Variants in DOCK4 observed in about 807,000 individuals in gnomAD.
DOCK4 encodes the protein dedicator of cytokinesis protein 4.
DOCK4 carries 97 observed loss-of-function variants against 268.1 expected under a neutral mutation model. That is an observed-to-expected ratio of 0.36 (90% CI 0.31 to 0.43). The LOEUF is 0.43. Among genes scored for constraint, DOCK4 ranks in the 20% least tolerant of loss-of-function variants. The pLI is 1.00. For synonymous variants in DOCK4, 954 were observed against 887.2 expected, an observed-to-expected ratio of 1.08 and a Z score of -1.34; for missense variants, 2,145 against 2,455.7, an observed-to-expected ratio of 0.87 and a Z score of 2.67.
intron 8 of DOCK4, among the ~76,000 whole-genome samples, chr7:111,975,487 A>C (rs2135108025): frequency 6.6e-6 from 1 of 152,344 alleles, no homozygotes; most frequent in South Asian, 2.1e-4. Context: ...ACATTTCTAA[A>C]GTCTAACTTG....
intron 20 of DOCK4, among the ~76,000 whole-genome samples, chr7:111,870,510 C>A (rs1382461510): frequency 1.3e-5 from 2 of 151,780 alleles, no homozygotes; most frequent in African/African-American, 4.8e-5. Flanking sequence ...TTAGTAGAGG[C>A]CCGGTTTCAC....
intron 1 of DOCK4, among the ~76,000 whole-genome samples, chr7:112,102,723 A>T (rs1171562879): frequency 2.0e-5 from 3 of 152,202 alleles, no homozygotes; most frequent in African/African-American, 7.2e-5. Flanking sequence ...CTCAGCCTCC[A>T]GAACAGTGAG....
intron 1 of DOCK4, among the ~76,000 whole-genome samples, chr7:112,198,874 T>C (rs995862115): frequency 1.3e-5 from 2 of 152,206 alleles, no homozygotes; most frequent in African/African-American, 4.8e-5. Context: ...ATGAAAATAT[T>C]TCATTTCATG....
At chr7:112,166,295 T>C (rs542567318) in intron 1 of DOCK4, among the ~76,000 whole-genome samples, 102 of 152,280 alleles carry the variant, frequency 6.7e-4, no homozygotes, top group Middle Eastern at 3.4e-3. Flanking sequence ...TCTTGGGGTA[T>C]GACTGACAAA....
intron 1 of DOCK4, among the ~76,000 whole-genome samples, chr7:112,160,903 T>C (rs1817056340): frequency 6.6e-6 from 1 of 152,174 alleles, no homozygotes; most frequent in Non-Finnish European, 1.5e-5. Context: ...GACTCTGAGC[T>C]CTATTAAGCA....
chr7:112,037,713 A>G (rs1375329483), intron 1 of DOCK4, among the ~76,000 whole-genome samples: 1 of 152,192 alleles, frequency 6.6e-6, no homozygotes, highest in Non-Finnish European at 1.5e-5. Flanking sequence ...ACAAATCTGA[A>G]CACTCTTGCA....
intron 8 of DOCK4, among the ~76,000 whole-genome samples, chr7:111,960,919 C>T (rs925978963): frequency 3.9e-5 from 6 of 152,108 alleles, no homozygotes; most frequent in African/African-American, 1.4e-4. Flanking sequence ...TTTCTTTATC[C>T]ATTCATCTGT....
chr7:112,043,248 A>C (rs1804549482), intron 1 of DOCK4, among the ~76,000 whole-genome samples: 1 of 151,886 alleles, frequency 6.6e-6, no homozygotes, highest in Admixed American at 6.6e-5. Context: ...AAAAAAAAAA[A>C]ACTTAATCAA....
chr7:111,922,083 A>G (rs909944301), intron 12 of DOCK4, among the ~76,000 whole-genome samples: 1 of 152,224 alleles, frequency 6.6e-6, no homozygotes, highest in Non-Finnish European at 1.5e-5. Flanking sequence ...AAGGCGGTGA[A>G]ATTCCTAATG....
chr7:112,035,931 A>G (rs1803714044), intron 1 of DOCK4, among the ~76,000 whole-genome samples: 1 of 152,130 alleles, frequency 6.6e-6, no homozygotes. Flanking sequence ...GAAAGAAAAA[A>G]TTGTTCTTTG....
chr7:111,889,160 G>C (rs1388656924), intron 16 of DOCK4, among the ~76,000 whole-genome samples: 1 of 152,104 alleles, frequency 6.6e-6, no homozygotes, highest in Non-Finnish European at 1.5e-5. Flanking sequence ...TATGTGTTCA[G>C]CTTGATATGT....
chr7:112,153,650 AT>A (rs1475757265), intron 1 of DOCK4, among the ~76,000 whole-genome samples: 1 of 152,168 alleles, frequency 6.6e-6, no homozygotes, highest in Non-Finnish European at 1.5e-5. Context: ...TTATGGGTTA[AT>A]TTGGTGGACC....
intron 1 of DOCK4, among the ~76,000 whole-genome samples, chr7:112,035,217 G>T (rs1476122801): frequency 6.6e-6 from 1 of 152,166 alleles, no homozygotes; most frequent in Non-Finnish European, 1.5e-5. Context: ...AAGATCAAGT[G>T]AACTCACTTC....
At position 111,849,420 on chromosome 7, in the gene DOCK4, G is replaced by A. The variant is rs563941748; in HGVS notation, c.2474-2294C>T. Among the ~76,000 whole-genome samples, 229 of 152,010 alleles carry A rather than the reference G, an allele frequency of 1.5e-3. 3 individuals carry two copies. The highest frequency in any genetic ancestry group is 2.4e-3 in the Non-Finnish European group (162 of 67,974). The stretch of plus-strand genomic sequence containing the variant: ...TGGGACTACATGCACGTGCCATCAC[G>A]CCCAGCTAGTTTTTGTATTTTTAGT... On this transcript the variant is annotated intron_variant, in intron 23 of 52. Coordinates refer to ENST00000428084, the MANE Select transcript of DOCK4 (RefSeq NM_001363540.2).
At chr7:112,087,333 T>C (rs1472537394) in intron 1 of DOCK4, among the ~76,000 whole-genome samples, 2 of 152,156 alleles carry the variant, frequency 1.3e-5, no homozygotes, top group African/African-American at 2.4e-5. Context: ...GGAATCAATA[T>C]AACATAAGGA....
chr7:111,775,474 G>A (rs933764130), intron 36 of DOCK4, among the ~76,000 whole-genome samples: 2 of 152,166 alleles, frequency 1.3e-5, no homozygotes, highest in African/African-American at 2.4e-5. Flanking sequence ...ACTATTGGAG[G>A]ACTCTGAAAA....
intron 1 of DOCK4, among the ~76,000 whole-genome samples, chr7:112,048,322 C>T (rs969612629): frequency 7.5e-5 from 11 of 146,890 alleles, no homozygotes; most frequent in Non-Finnish European, 1.3e-4. Context: ...GGCGGGTGGA[C>T]TACCTGAGCT....
intron 11 of DOCK4, among the ~76,000 whole-genome samples, chr7:111,939,383 C>A (rs916805188): frequency 6.6e-6 from 1 of 151,500 alleles, no homozygotes; most frequent in Non-Finnish European, 1.5e-5. Context: ...GGTGTGGTGG[C>A]GGGCGCCTGT....
intron 50 of DOCK4, 63 bp downstream of exon 50, chr7:111,736,854 G>A (rs377250270): frequency 4.2e-6 from 6 of 1,425,528 alleles, no homozygotes; most frequent in Non-Finnish European, 4.9e-6. Context: ...ACAGAAGACT[G>A]GAGAACATGA....
Sources: allele counts gnomAD v4.1 joint callset (sites outside exome capture counted in the v4.1 genomes callset), GRCh38; gene constraint gnomAD v4.1.1; transcripts MANE v1.5; gene names NCBI Gene and HGNC (gene_info 2026-07-23, HGNC 2026-07-21).